CDH12: variants seen among roughly 807,000 people sequenced by gnomAD.
The protein encoded by CDH12 is cadherin 12.
A neutral mutation model predicts 74.1 loss-of-function variants in CDH12; 41 were observed. The observed-to-expected ratio is 0.55, with a 90% CI of 0.43 to 0.72. The LOEUF (loss-of-function observed/expected upper bound fraction) is 0.72, where lower values mean the gene tolerates loss of function less well. Among genes scored for constraint, CDH12 ranks in the 30% least tolerant of loss-of-function variants. The probability of loss-of-function intolerance (pLI) is 0.00; values close to 1 mark genes in which losing one functional copy is unlikely to be tolerated. For synonymous variants in CDH12, 399 were observed against 355.0 expected (o/e 1.12, Z -1.39); for missense variants, 945 against 977.2 (o/e 0.97, Z 0.44).
intron 1 of CDH12, among the ~76,000 whole-genome samples, chr5:22,800,561 G>A (rs1748458812): frequency 6.6e-6 from 1 of 152,042 alleles, no homozygotes; most frequent in African/African-American, 2.4e-5. Flanking sequence ...CACAATCAAT[G>A]TTTATAGTTT....
intron 1 of CDH12, among the ~76,000 whole-genome samples, chr5:22,764,606 C>A (rs1746404442): frequency 6.6e-6 from 1 of 151,984 alleles, no homozygotes; most frequent in Non-Finnish European, 1.5e-5. Flanking sequence ...AGGGGAATAT[C>A]ATCTCTATAG....
At chr5:22,797,073 C>T (rs1432034686) in intron 1 of CDH12, among the ~76,000 whole-genome samples, 5 of 150,210 alleles carry the variant, frequency 3.3e-5, no homozygotes, top group African/African-American at 4.9e-5. Context: ...GTTTGTGTCA[C>T]GCTCAAATTC....
chr5:22,360,175 G>C lies in CDH12; in HGVS notation c.-333+45082C>G, dbSNP rs529836607. Among the ~76,000 whole-genome samples, 324 of 152,206 alleles carry C rather than the reference G, an allele frequency of 2.1e-3. 2 individuals are homozygous for C. Among genetic ancestry groups the C allele is most frequent in the African/African-American group, 7.5e-3 (313 of 41,530 alleles). ...TTTGAAAGGATCAACAAAATTGATA[G>C]ACCACTAGCAAGACTAATAAAGAAG... On this transcript the variant is annotated intron_variant, in intron 3 of 14. Transcript: ENST00000382254.
intron 4 of CDH12, chr5:22,141,119 T>G (rs1746765159): frequency 6.6e-6 from 1 of 152,210 alleles, no homozygotes; most frequent in Admixed American, 6.6e-5. Context: ...TCCATAAGGG[T>G]AGCTTACAGT....
intron 2 of CDH12, 36 bp from the exon 3 acceptor site, chr5:22,405,387 G>A (rs1417531415): frequency 2.0e-6 from 1 of 503,824 alleles, no homozygotes; most frequent in African/African-American, 2.1e-5. Context: ...TTAAGAATAT[G>A]CAAGACTCTC....
chr5:22,694,810 C>CAT lies in CDH12; in HGVS notation c.-523+158246_-523+158247dup, dbSNP rs527555204. Among the ~76,000 whole-genome samples, 498 of 151,788 alleles carry CAT rather than the reference C, an allele frequency of 3.3e-3. 2 individuals are homozygous for CAT. Among genetic ancestry groups the CAT allele is most frequent in the African/African-American group, 0.011 (450 of 41,368 alleles). ...ACACACATATATGTATACACACACACATATATATACATATATATGTATATA... is the reference window on the plus strand; with the variant it reads ...ACACACATATATGTATACACACACACATATATATATACATATATATGTATATA... On this transcript the variant is annotated intron_variant, in intron 1 of 14. Coordinates refer to ENST00000382254, the MANE Select transcript of CDH12 (RefSeq NM_004061.5).
intron 1 of CDH12, among the ~76,000 whole-genome samples, chr5:22,735,804 G>C (rs1744680516): frequency 6.6e-6 from 1 of 151,822 alleles, no homozygotes; most frequent in South Asian, 2.1e-4. Context: ...AAAAATGAGT[G>C]TTTACTCATG....
chr5:21,943,082 C>T (rs1231349096), intron 6 of CDH12, among the ~76,000 whole-genome samples: 2 of 152,090 alleles, frequency 1.3e-5, no homozygotes, highest in African/African-American at 4.8e-5. Flanking sequence ...TTCACATGCT[C>T]TCTCTCCCCT....
At chr5:22,736,633 T>C (rs1198759122) in intron 1 of CDH12, among the ~76,000 whole-genome samples, 1 of 151,810 alleles carries the variant, frequency 6.6e-6, no homozygotes, top group East Asian at 1.9e-4. Context: ...TTTTTCCTTG[T>C]TATAGTTTAG....
At chr5:22,227,396 T>C (rs1194676660) in intron 3 of CDH12, among the ~76,000 whole-genome samples, 1 of 152,264 alleles carries the variant, frequency 6.6e-6, no homozygotes, top group East Asian at 1.9e-4. Context: ...TCTTTTAAGA[T>C]AGAAACATGT....
chr5:22,045,667 A>T (rs1342054955), intron 5 of CDH12, among the ~76,000 whole-genome samples: 1 of 151,806 alleles, frequency 6.6e-6, no homozygotes, highest in Non-Finnish European at 1.5e-5. Context: ...GGAGGGCATT[A>T]TGTTAGGTGA....
chr5:21,995,498 C>T (rs1041607905), intron 5 of CDH12, among the ~76,000 whole-genome samples: 1 of 151,902 alleles, frequency 6.6e-6, no homozygotes, highest in Non-Finnish European at 1.5e-5. Context: ...TTCTCCAACT[C>T]AGCCATCCTA....
At chr5:22,611,628 T>C (rs896930760) in intron 1 of CDH12, among the ~76,000 whole-genome samples, 1 of 152,112 alleles carries the variant, frequency 6.6e-6, no homozygotes, top group Non-Finnish European at 1.5e-5. Context: ...GTATTATTCA[T>C]ATAGAGATGG....
chr5:22,467,804 C>T (rs1911964), intron 2 of CDH12, among the ~76,000 whole-genome samples: 65,164 of 152,016 alleles, frequency 0.43, 14,429 homozygotes, highest in Admixed American at 0.61. Flanking sequence ...CAAAGATCAC[C>T]AGATCCACCT....
chr5:21,860,058 G>T (rs950852031), intron 6 of CDH12, among the ~76,000 whole-genome samples: 4 of 151,870 alleles, frequency 2.6e-5, no homozygotes, highest in Non-Finnish European at 5.9e-5. Flanking sequence ...TGAAGAAAAA[G>T]GGAATACAGA....
At chr5:21,891,408 A>G (rs916504063) in intron 6 of CDH12, among the ~76,000 whole-genome samples, 2 of 152,128 alleles carry the variant, frequency 1.3e-5, no homozygotes, top group African/African-American at 2.4e-5. Context: ...AAGCTATTTA[A>G]GATAAAATCT....
chr5:22,804,159 G>A (rs1748668030), intron 1 of CDH12, among the ~76,000 whole-genome samples: 1 of 151,944 alleles, frequency 6.6e-6, no homozygotes, highest in African/African-American at 2.4e-5. Flanking sequence ...GGTATTTTTT[G>A]TCTATAGTAT....
chr5:21,808,155 A>G (rs1206793518), intron 9 of CDH12, among the ~76,000 whole-genome samples: 1 of 152,006 alleles, frequency 6.6e-6, no homozygotes, highest in East Asian at 1.9e-4. Context: ...ACAATACAAA[A>G]CAAACAGCCA....
chr5:21,851,836 A>G (rs573200126), intron 7 of CDH12, among the ~76,000 whole-genome samples: 1 of 151,492 alleles, frequency 6.6e-6, no homozygotes, highest in South Asian at 2.1e-4. Flanking sequence ...CAGTGTCAAT[A>G]CAGAAATCTT....
Sources: allele counts gnomAD v4.1 joint callset (sites outside exome capture counted in the v4.1 genomes callset), GRCh38; gene constraint gnomAD v4.1.1; transcripts MANE v1.5; gene names NCBI Gene and HGNC (gene_info 2026-07-23, HGNC 2026-07-21).